The following FRMD1 variants were observed in gnomAD, a reference collection of about 807,000 sequenced individuals.
FRMD1 encodes the protein FERM domain-containing protein 1.
Under a neutral mutation model 54.9 loss-of-function variants are expected in FRMD1, and 51 were observed. The observed-to-expected ratio is 0.93, with a 90% confidence interval of 0.74 to 1.17. FRMD1 has a LOEUF of 1.17. Among genes scored for constraint, FRMD1 ranks in the 50% most tolerant of loss-of-function variants. The pLI is 0.00. For missense variants in FRMD1, 729 were observed against 743.0 expected (o/e 0.98, Z 0.22); for synonymous variants, 324 against 306.4 (o/e 1.06, Z -0.60).
intron 10 of FRMD1, among the ~76,000 whole-genome samples, chr6:168,058,315 G>A (rs1221402305): frequency 2.0e-5 from 2 of 101,954 alleles, no homozygotes; most frequent in Non-Finnish European, 4.0e-5. Context: ...GCAGCCTCTC[G>A]TGCCCAGCCC....
chr6:168,062,353 C>G (rs560101025), intron 7 of FRMD1, among the ~76,000 whole-genome samples: 1 of 152,202 alleles, frequency 6.6e-6, no homozygotes, highest in Non-Finnish European at 1.5e-5. Context: ...GCTCTGGGGC[C>G]GGGATGAGAG....
intron 7 of FRMD1, 66 bp from the exon 8 acceptor site, chr6:168,062,047 G>A: frequency 6.7e-7 from 1 of 1,498,714 alleles, no homozygotes; most frequent in Non-Finnish European, 9.0e-7. Context: ...AGGAAAGGAT[G>A]ATTTTAAATG....
At chr6:168,066,493 C>T (rs769692943) in intron 4 of FRMD1, 40 of 1,145,240 alleles carry the variant, frequency 3.5e-5, no homozygotes, top group African/African-American at 1.6e-4. Flanking sequence ...AGTGAAACTC[C>T]GTCTCAAAAC....
Position 168,059,769 on chromosome 6 carries a change from T to G in FRMD1, c.1343-581A>C, listed in dbSNP as rs930425244. On this transcript the variant is annotated intron_variant, in intron 9 of 10. Coordinates refer to ENST00000283309, the MANE Select transcript of FRMD1 (RefSeq NM_024919.6). This position sits in a 1 kb window ranked among gnomAD's most constrained non-coding sequence, Gnocchi z 4.4. Reference sequence around the variant, plus strand: ...ACAGGGACTGGGCTGGACGCATCCCTCAGGACAGGGTGCTGCATCCTGGGC... The same window carrying G: ...ACAGGGACTGGGCTGGACGCATCCCGCAGGACAGGGTGCTGCATCCTGGGC... Among the ~76,000 whole-genome samples the G allele has an allele frequency of 6.6e-6, 1 of 152,056 alleles. No individual in the cohort carries two copies. Among genetic ancestry groups the G allele is most frequent in the Non-Finnish European group, 1.5e-5 (1 of 67,986 alleles).
chr6:168,064,540 G>A (rs905312816), intron 5 of FRMD1, among the ~76,000 whole-genome samples: 1 of 152,210 alleles, frequency 6.6e-6, no homozygotes, highest in African/African-American at 2.4e-5. Flanking sequence ...CACAAGGCCC[G>A]TGTGGGTCAC....
intron 10 of FRMD1, among the ~76,000 whole-genome samples, chr6:168,057,999 G>A (rs1583162705): frequency 6.6e-6 from 1 of 152,242 alleles, no homozygotes; most frequent in Admixed American, 6.5e-5. Context: ...TCTTTCAAGA[G>A]TGACAGTCCC....
At chr6:168,058,485 C>G (rs950481365) in intron 10 of FRMD1, among the ~76,000 whole-genome samples, 1 of 147,112 alleles carries the variant, frequency 6.8e-6, no homozygotes, top group African/African-American at 2.5e-5. Flanking sequence ...AACCGATTTT[C>G]TGTGTCTTTC....
At chr6:168,066,103 C>T (rs114801090) in intron 4 of FRMD1, 31 of 994,110 alleles carry the variant, frequency 3.1e-5, no homozygotes, top group East Asian at 1.1e-4. Flanking sequence ...AGAACCGCCA[C>T]GCAGCAAGCA....
intron 10 of FRMD1, among the ~76,000 whole-genome samples, chr6:168,058,176 C>T (rs1799513990): frequency 6.7e-6 from 1 of 149,704 alleles, no homozygotes; most frequent in Non-Finnish European, 1.5e-5. Context: ...CCTCCGGTGC[C>T]CAGCCCTGTT....
At chr6:168,073,695 C>G (rs1173273121) in intron 2 of FRMD1, among the ~76,000 whole-genome samples, 1 of 152,148 alleles carries the variant, frequency 6.6e-6, no homozygotes, top group Non-Finnish European at 1.5e-5. Flanking sequence ...TAGGATGGAA[C>G]CCCAGGGCAC....
Position 168,059,121 on chromosome 6 carries a change from T to C in FRMD1, c.1407+3A>G, listed in dbSNP as rs776954452. ...GGCTTCTGGCCCGTGGGGGGGACTC[T>C]ACCTGGTGCACGGCCTCGGCGCTCT... On this transcript the variant is annotated splice_donor_region_variant and intron_variant, in intron 10 of 10. Coordinates refer to ENST00000283309, the MANE Select transcript of FRMD1 (RefSeq NM_024919.6). The surrounding 1 kb of genome is among the most constrained non-coding windows in gnomAD (Gnocchi z 4.4). 7.0e-6 allele frequency: 11 copies of C among 1,568,968 alleles called. No homozygotes were observed. Among genetic ancestry groups the C allele is most frequent in the Non-Finnish European group, 9.5e-6 (11 of 1,161,498 alleles).
rs371020738 is a variant in FRMD1 at position 168,059,233 on chromosome 6, C to A, written c.1343-45G>T. 4.0e-6 allele frequency: 6 copies of A among 1,505,204 alleles called. 1 individual carries two copies. In the South Asian group the frequency reaches 7.2e-5, roughly 18 times the overall value. 93.2% of individuals were successfully genotyped at this position (1,505,204 alleles called of 1,614,324 possible). On this transcript the variant is annotated intron_variant, in intron 9 of 10. Coordinates refer to ENST00000283309, the MANE Select transcript of FRMD1 (RefSeq NM_024919.6). This position sits in a 1 kb window ranked among gnomAD's most constrained non-coding sequence, Gnocchi z 4.4. ...TGAGCACAGGTGTCTGGGTTCTGCC[C>A]GACATGGCTCCTCCCCAGGGCAGTT... is the stretch of plus-strand genomic sequence containing the variant.
rs1799698257 is a variant in FRMD1 at position 168,060,996 on chromosome 6, C to T, written c.1107G>A (p.Arg369=). 1.9e-6 allele frequency: 3 copies of T among 1,613,034 alleles called. No homozygotes were observed. Among genetic ancestry groups the T allele is most frequent in the Non-Finnish European group, 2.5e-6 (3 of 1,179,988 alleles). Residue 369 remains arginine, a synonymous_variant, in exon 9 of 11, where the codon AGG becomes AGA. Coordinates refer to ENST00000283309, the MANE Select transcript of FRMD1 (RefSeq NM_024919.6). ...SDELELDLAS[R]SFPGSGVSSQ... ...TGCTGACCCCACTGCCCGGGAAGCT[C>T]CTGCTGGCCAGGTCCAGCTCCAGCT...
At chr6:168,067,539 G>A (rs991114471) in intron 2 of FRMD1, 93 bp from the exon 3 acceptor site, 2 of 770,958 alleles carry the variant, frequency 2.6e-6, no homozygotes, top group Non-Finnish European at 2.2e-6. Flanking sequence ...GGAGAGAAGA[G>A]ATGCACAGCT....
intron 7 of FRMD1, chr6:168,062,584 G>A (rs1366155164): frequency 1.2e-5 from 16 of 1,307,946 alleles, no homozygotes; most frequent in South Asian, 4.2e-5. Context: ...GCACCTCTTC[G>A]GGTGCAGAAT....
At chr6:168,072,624 T>C (rs1033080215) in intron 2 of FRMD1, among the ~76,000 whole-genome samples, 1 of 152,188 alleles carries the variant, frequency 6.6e-6, no homozygotes, top group African/African-American at 2.4e-5. Flanking sequence ...GTGATGAACA[T>C]GATGCACAAC....
chr6:168,071,961 C>T (rs150213443), intron 2 of FRMD1, among the ~76,000 whole-genome samples: 73 of 152,368 alleles, frequency 4.8e-4, no homozygotes, highest in Non-Finnish European at 8.2e-4. Flanking sequence ...CTCAGACACA[C>T]GGCAAATGCC....
intron 1 of FRMD1, among the ~76,000 whole-genome samples, chr6:168,092,237 C>T (rs1214885696): frequency 6.6e-6 from 1 of 152,260 alleles, no homozygotes; most frequent in African/African-American, 2.4e-5. Context: ...CTCAGTGTCA[C>T]AGCAGCTCCT....
At chr6:168,065,968 C>G (rs1287397443) in intron 4 of FRMD1, 35 of 1,000,160 alleles carry the variant, frequency 3.5e-5, no homozygotes, top group Non-Finnish European at 4.2e-5. Flanking sequence ...CCTAGAAGCT[C>G]TAAGGCAGCT....
Sources: allele counts gnomAD v4.1 joint callset (sites outside exome capture counted in the v4.1 genomes callset), GRCh38; gene constraint gnomAD v4.1.1; non-coding constraint Gnocchi (gnomAD v3.1); transcripts MANE v1.5; gene names NCBI Gene and HGNC (gene_info 2026-07-23, HGNC 2026-07-21).